The following CACNB2 variants were observed in gnomAD, a reference collection of about 807,000 sequenced individuals.
CACNB2 encodes calcium voltage-gated channel auxiliary subunit beta 2.
In CACNB2, 42 loss-of-function variants were observed where a neutral mutation model predicts 73.3. The ratio of observed to expected loss-of-function variants is 0.57; its 90% CI spans 0.45 to 0.74. CACNB2 has a LOEUF of 0.74. Ranked by LOEUF, CACNB2 falls within the 30% of genes least tolerant of loss-of-function variation. The pLI, the probability that CACNB2 is intolerant of heterozygous loss-of-function variation, is 0.00. For missense variants in CACNB2, 940 were observed against 853.0 expected, an observed-to-expected ratio of 1.10 and a Z score of -1.27; for synonymous variants, 348 against 310.3, an observed-to-expected ratio of 1.12 and a Z score of -1.28.
intron 3 of CACNB2, among the ~76,000 whole-genome samples, chr10:18,425,848 C>A (rs969966055): frequency 2.6e-5 from 4 of 152,114 alleles, no homozygotes; most frequent in Non-Finnish European, 4.4e-5. Flanking sequence ...ATGTAGAATA[C>A]CTGTTTGTTC....
intron 2 of CACNB2, among the ~76,000 whole-genome samples, chr10:18,277,882 C>G (rs2038369007): frequency 1.3e-5 from 2 of 151,972 alleles, no homozygotes; most frequent in African/African-American, 4.8e-5. Context: ...ATCTGTTATC[C>G]TCACTTAAGC....
At chr10:18,536,506 C>A (rs539443291) in intron 12 of CACNB2, among the ~76,000 whole-genome samples, 153 of 151,848 alleles carry the variant, frequency 1.0e-3, no homozygotes, top group African/African-American at 3.6e-3. Flanking sequence ...AAGTGATCCT[C>A]CTGCCTTGGT....
intron 3 of CACNB2, among the ~76,000 whole-genome samples, chr10:18,491,455 G>T (rs934478413): frequency 1.3e-5 from 2 of 152,148 alleles, no homozygotes; most frequent in Non-Finnish European, 2.9e-5. Flanking sequence ...GGGCATTGTG[G>T]CATGAGGCTG....
chr10:18,388,654 G>T (rs955948776), intron 2 of CACNB2, among the ~76,000 whole-genome samples: 2 of 151,972 alleles, frequency 1.3e-5, no homozygotes, highest in Non-Finnish European at 2.9e-5. Flanking sequence ...GGTCATTTTG[G>T]CCTGCTTAAG....
At chr10:18,358,497 G>GCTCT (rs59205683) in intron 2 of CACNB2, among the ~76,000 whole-genome samples, 1,091 of 104,142 alleles carry the variant, frequency 0.01, 87 homozygotes, top group East Asian at 0.014. Flanking sequence ...TAATGAGCAC[G>GCTCT]CTCTCTCTCT....
chr10:18,245,347 C>T (rs1221762120), intron 2 of CACNB2, among the ~76,000 whole-genome samples: 1 of 152,092 alleles, frequency 6.6e-6, no homozygotes, highest in Non-Finnish European at 1.5e-5. Context: ...GAGACAGGGT[C>T]TCACTCCGTT....
At chr10:18,263,777 G>A (rs190927587) in intron 2 of CACNB2, among the ~76,000 whole-genome samples, 110 of 152,288 alleles carry the variant, frequency 7.2e-4, no homozygotes, top group Non-Finnish European at 1.2e-3. Flanking sequence ...CTTGTTTAAC[G>A]TTACATTCAG....
chr10:18,220,174 TAC>T (rs1564353515), intron 2 of CACNB2, among the ~76,000 whole-genome samples: 9 of 46,696 alleles, frequency 1.9e-4, no homozygotes, highest in Admixed American at 2.7e-4. Flanking sequence ...CACACACACA[TAC>T]ATATATATAC....
chr10:18,448,497 A>AAAG (rs2046853927), intron 3 of CACNB2, among the ~76,000 whole-genome samples: 1 of 141,472 alleles, frequency 7.1e-6, no homozygotes, highest in Non-Finnish European at 1.5e-5. Context: ...AAAAAAAAAA[A>AAAG]AAAAGAAAAG....
At chr10:18,429,840 C>T (rs1008784956) in intron 3 of CACNB2, among the ~76,000 whole-genome samples, 3 of 113,316 alleles carry the variant, frequency 2.6e-5, no homozygotes, top group Non-Finnish European at 5.4e-5. Flanking sequence ...ATTAACCAAG[C>T]ATGATGTTGT....
At chr10:18,472,256 A>T (rs1400598567) in intron 3 of CACNB2, among the ~76,000 whole-genome samples, 3 of 80,608 alleles carry the variant, frequency 3.7e-5, no homozygotes, top group African/African-American at 4.8e-5. Flanking sequence ...TTTTTTTTTG[A>T]CATGGAGTCT....
At chr10:18,449,756 C>G (rs2046925991) in intron 3 of CACNB2, among the ~76,000 whole-genome samples, 1 of 152,234 alleles carries the variant, frequency 6.6e-6, no homozygotes, top group South Asian at 2.1e-4. Context: ...CTTCCCTTAA[C>G]CATGTTAAAG....
At chr10:18,491,819 T>TAAAAAAAAAAAAAAAAAAAA (rs68179779) in intron 3 of CACNB2, among the ~76,000 whole-genome samples, 1 of 65,594 alleles carries the variant, frequency 1.5e-5, no homozygotes, top group African/African-American at 5.0e-5. Flanking sequence ...TCAAGTTGGT[T>TAAAAAAAAAAAAAAAAAAAA]AAAAAAAAAA....
rs143064702 is a variant in CACNB2, at chr10:18,424,954, C to T, written c.333+22911C>T. ...CTGATGCATGTGTGCAAGAGTTTCT[C>T]TTGGGTATGTTAATTAGCAGTGGAA... On this transcript the variant is annotated intron_variant, in intron 3 of 13. Transcript: ENST00000324631. Among the ~76,000 whole-genome samples, 531 of 152,238 alleles carry T rather than the reference C, an allele frequency of 3.5e-3. 4 individuals carry two copies. Among genetic ancestry groups the T allele is most frequent in the South Asian group, 0.014 (66 of 4,820 alleles).
intron 3 of CACNB2, among the ~76,000 whole-genome samples, chr10:18,477,241 G>C (rs987715926): frequency 1.3e-5 from 2 of 152,078 alleles, no homozygotes; most frequent in Admixed American, 1.3e-4. Flanking sequence ...CAGGGAAGAC[G>C]ACCAGAGATC....
At position 18,385,417 on chromosome 10, in the gene CACNB2, T is replaced by A. The variant is rs185261375; in HGVS notation, c.214-16507T>A. 4.9e-3 allele frequency among the ~76,000 whole-genome samples: 651 copies of A among 131,984 alleles called. 4 individuals carry two copies. The highest frequency in any genetic ancestry group is 7.0e-3 in the Admixed American group (84 of 11,954). The allele number at this position is 131,984 out of a possible 152,430, so 86.6% of individuals were successfully genotyped here. ...TAAAAATGTGCAGCCACTTAAATGTTCTAGAGCTAGCCTACATACTCATAA... is the reference window on the plus strand; with the variant it reads ...TAAAAATGTGCAGCCACTTAAATGTACTAGAGCTAGCCTACATACTCATAA... On this transcript the variant is annotated intron_variant, in intron 2 of 13. Transcript: ENST00000324631.
intron 2 of CACNB2, among the ~76,000 whole-genome samples, chr10:18,230,226 A>G (rs949066268): frequency 1.3e-5 from 2 of 152,206 alleles, no homozygotes; most frequent in Non-Finnish European, 2.9e-5. Flanking sequence ...TTAGAAGAAA[A>G]AGTAATAGAA....
At chr10:18,386,579 A>AT (rs1478366203) in intron 2 of CACNB2, among the ~76,000 whole-genome samples, 15 of 150,484 alleles carry the variant, frequency 1.0e-4, no homozygotes, top group South Asian at 2.1e-4. Flanking sequence ...ATTTTTTTGC[A>AT]TTTTTTTTAG....
chr10:18,193,261 A>T (rs1588667195), intron 2 of CACNB2, among the ~76,000 whole-genome samples: 1 of 83,192 alleles, frequency 1.2e-5, no homozygotes. Flanking sequence ...TTTTTGAGAA[A>T]GTGTCAAGCT....
Sources: allele counts gnomAD v4.1 joint callset (sites outside exome capture counted in the v4.1 genomes callset), GRCh38; gene constraint gnomAD v4.1.1; transcripts MANE v1.5; gene names NCBI Gene and HGNC (gene_info 2026-07-23, HGNC 2026-07-21).